KIRREL3: variants seen among roughly 807,000 people sequenced by gnomAD.
KIRREL3 encodes kin of IRRE-like protein 3.
A neutral mutation model predicts 89.7 loss-of-function variants in KIRREL3; 36 were observed. That is an observed-to-expected ratio of 0.40 (90% CI 0.31 to 0.53). The LOEUF (loss-of-function observed/expected upper bound fraction) is 0.53, where lower values mean the gene tolerates loss of function less well. KIRREL3 is among the 20% of genes least tolerant of loss of function. KIRREL3 has a pLI of 0.49. For synonymous variants in KIRREL3, 445 were observed against 441.4 expected (o/e 1.01, Z -0.10); for missense variants, 864 against 1,056.6 (o/e 0.82, Z 2.53).
rs1946693730 is a variant in KIRREL3, at chr11:126,687,092, A to C, written c.56-124180T>G. Among the ~76,000 whole-genome samples the C allele has an allele frequency of 2.0e-5, 3 of 152,152 alleles. No homozygotes were observed. Among genetic ancestry groups the C allele is most frequent in the Admixed American group, 2.0e-4 (3 of 15,284 alleles). Reference sequence around the variant, plus strand: ...GGGGCCAAGACCACAACACGTGTTCAAGGTATGTCTAAGAAGGCTCAAGTT... The same window carrying C: ...GGGGCCAAGACCACAACACGTGTTCCAGGTATGTCTAAGAAGGCTCAAGTT... On this transcript the variant is annotated intron_variant, in intron 1 of 16. Transcript: ENST00000525144. This position sits in a 1 kb window ranked among gnomAD's most constrained non-coding sequence, Gnocchi z 4.6.
intron 1 of KIRREL3, among the ~76,000 whole-genome samples, chr11:126,882,653 A>T (rs1025060984): frequency 2.0e-5 from 3 of 152,192 alleles, no homozygotes; most frequent in African/African-American, 7.2e-5. Flanking sequence ...GCTGCCAACA[A>T]ATGTTGCAAA....
At position 126,594,442 on chromosome 11, in the gene KIRREL3, A is replaced by G. The variant is rs1358930171; in HGVS notation, c.56-31530T>C. On this transcript the variant is annotated intron_variant, in intron 1 of 16. Coordinates refer to ENST00000525144, the MANE Select transcript of KIRREL3 (RefSeq NM_032531.4). This position sits in a 1 kb window ranked among gnomAD's most constrained non-coding sequence, Gnocchi z 5.0. ...GAAGCTACAGGGTGTAGGAGAAAGAACATGAGTTTGGAATCGCTGGAAACT... is the reference window on the plus strand; with the variant it reads ...GAAGCTACAGGGTGTAGGAGAAAGAGCATGAGTTTGGAATCGCTGGAAACT... Among the ~76,000 whole-genome samples, 2 of 152,186 alleles carry G rather than the reference A, an allele frequency of 1.3e-5. No homozygotes were observed. The highest frequency in any genetic ancestry group is 2.9e-5 in the Non-Finnish European group (2 of 68,028).
rs1954979554 is a variant in KIRREL3, at chr11:126,427,261, T to C, written c.1807-1537A>G. 1.3e-5 allele frequency among the ~76,000 whole-genome samples: 2 copies of C among 152,182 alleles called. No homozygotes were observed. Among genetic ancestry groups the C allele is most frequent in the African/African-American group, 4.8e-5 (2 of 41,454 alleles). On this transcript the variant is annotated intron_variant, in intron 15 of 16. Coordinates refer to ENST00000525144, the MANE Select transcript of KIRREL3 (RefSeq NM_032531.4). The surrounding 1 kb of genome is among the most constrained non-coding windows in gnomAD (Gnocchi z 5.3). The stretch of plus-strand genomic sequence containing the variant: ...CTCCACTGTGTTAATTTTAACAGTG[T>C]CAGGCCCTGTGTTAGGCCCCAGGGG...
At chr11:126,935,675 A>T (rs1948155619) in intron 1 of KIRREL3, 1 of 152,242 alleles carries the variant, frequency 6.6e-6, no homozygotes, top group Non-Finnish European at 1.5e-5. Flanking sequence ...ATTCTGGAAA[A>T]GACAACATTA....
rs961456082 is a variant in KIRREL3 at position 126,898,209 on chromosome 11, A to G, written c.55+102246T>C. Reference sequence around the variant, plus strand: ...GATCAAAGCTGTTAGTAACAAGGACAATGAAACACTACTTTATGCCAATTA... The same window carrying G: ...GATCAAAGCTGTTAGTAACAAGGACGATGAAACACTACTTTATGCCAATTA... On this transcript the variant is annotated intron_variant, in intron 1 of 16. Coordinates refer to ENST00000525144, the MANE Select transcript of KIRREL3 (RefSeq NM_032531.4). The surrounding 1 kb of genome is among the most constrained non-coding windows in gnomAD (Gnocchi z 4.9). Among the ~76,000 whole-genome samples the G allele has an allele frequency of 1.3e-5, 2 of 152,200 alleles. No homozygotes were observed. Among genetic ancestry groups the G allele is most frequent in the African/African-American group, 2.4e-5 (1 of 41,444 alleles).
At chr11:126,784,107 G>A (rs767957378) in intron 1 of KIRREL3, among the ~76,000 whole-genome samples, 1 of 152,226 alleles carries the variant, frequency 6.6e-6, no homozygotes, top group African/African-American at 2.4e-5. Context: ...AGCCGTCACA[G>A]CCACGTGGAG....
At chr11:126,947,572 G>A (rs916369398) in intron 1 of KIRREL3, among the ~76,000 whole-genome samples, 1 of 152,184 alleles carries the variant, frequency 6.6e-6, no homozygotes, top group Non-Finnish European at 1.5e-5. Context: ...TAGTAACTGA[G>A]TTGAGTTTTA....
intron 1 of KIRREL3, among the ~76,000 whole-genome samples, chr11:126,829,023 C>T (rs1377525053): frequency 1.3e-5 from 2 of 152,184 alleles, no homozygotes; most frequent in Admixed American, 1.3e-4. Flanking sequence ...CCAAATTTGT[C>T]CCTGAAGGAC....
At chr11:126,927,007 G>C (rs756421092) in intron 1 of KIRREL3, among the ~76,000 whole-genome samples, 1 of 152,208 alleles carries the variant, frequency 6.6e-6, no homozygotes, top group Non-Finnish European at 1.5e-5. Flanking sequence ...AAGGCATGAT[G>C]CAGGCAAAAT....
intron 1 of KIRREL3, among the ~76,000 whole-genome samples, chr11:126,824,472 T>A (rs868743064): frequency 1.3e-5 from 2 of 152,244 alleles, no homozygotes; most frequent in East Asian, 3.8e-4. Context: ...TAGCTGTGGC[T>A]GAGACAGGTC....
In KIRREL3 at chr11:126,735,248, C is replaced by T. The variant is rs149787377; in HGVS notation, c.56-172336G>A. Among the ~76,000 whole-genome samples, 565 of 152,238 alleles carry T rather than the reference C, an allele frequency of 3.7e-3. 3 individuals are homozygous for T. Among genetic ancestry groups the T allele is most frequent in the African/African-American group, 0.013 (526 of 41,526 alleles). ...AAAACCCATGACAGAAACTGGCAGT[C>T]GGTAGTAACATTAGCTGGGTCTGAA... is the stretch of plus-strand genomic sequence containing the variant. On this transcript the variant is annotated intron_variant, in intron 1 of 16. Transcript: ENST00000525144.
At chr11:126,637,384 G>A (rs574837976) in intron 1 of KIRREL3, among the ~76,000 whole-genome samples, 2 of 152,178 alleles carry the variant, frequency 1.3e-5, no homozygotes, top group Admixed American at 6.5e-5. Context: ...TCCCTCCACT[G>A]GCCCTTGGCC....
At chr11:126,450,890 TGC>T (rs1956063298) in intron 7 of KIRREL3, among the ~76,000 whole-genome samples, 2 of 148,072 alleles carry the variant, frequency 1.4e-5, no homozygotes, top group East Asian at 2.0e-4. Context: ...TGTGTGCATG[TGC>T]GTGTGTGCAT....
At chr11:126,907,910 C>T (rs900993851) in intron 1 of KIRREL3, among the ~76,000 whole-genome samples, 6 of 152,160 alleles carry the variant, frequency 3.9e-5, no homozygotes, top group African/African-American at 1.2e-4. Flanking sequence ...CTGGAATGCT[C>T]TTCCCCTGGG....
intron 1 of KIRREL3, among the ~76,000 whole-genome samples, chr11:126,858,620 A>C (rs1194956744): frequency 1.3e-5 from 2 of 152,092 alleles, no homozygotes; most frequent in African/African-American, 4.8e-5. Context: ...CTTTGATCTC[A>C]TAAGAGGTCA....
intron 4 of KIRREL3, among the ~76,000 whole-genome samples, chr11:126,494,534 A>C (rs1957605406): frequency 1.3e-5 from 2 of 152,134 alleles, no homozygotes; most frequent in South Asian, 4.1e-4. Flanking sequence ...GGATTTTTTC[A>C]CATTCATTTG....
rs956677967 is a variant in KIRREL3 at position 126,425,626 on chromosome 11, G to A, written c.1893+12C>T. The A allele has an allele frequency of 1.1e-5, 18 of 1,567,668 alleles. No homozygotes were observed. The highest frequency in any genetic ancestry group is 1.5e-5 in the Non-Finnish European group (17 of 1,153,544). ...TCCATGGCTGTGTCTTATAACCCGG[G>A]GCCCTTCTTACCTTCAGGTTCTGAA... On this transcript the variant is annotated intron_variant, in intron 16 of 16. Transcript: ENST00000525144.
At chr11:126,434,845 G>C (rs1285552035) in intron 13 of KIRREL3, among the ~76,000 whole-genome samples, 14 of 152,130 alleles carry the variant, frequency 9.2e-5, no homozygotes, top group Non-Finnish European at 1.8e-4. Context: ...GGGGCCCCCG[G>C]TGTCCTGGGA....
chr11:126,726,892 A>C (rs1440355594), intron 1 of KIRREL3, among the ~76,000 whole-genome samples: 1 of 152,142 alleles, frequency 6.6e-6, no homozygotes, highest in Admixed American at 6.6e-5. Context: ...TCATCCTCTA[A>C]GACCTGGCTG....
Sources: allele counts gnomAD v4.1 joint callset (sites outside exome capture counted in the v4.1 genomes callset), GRCh38; gene constraint gnomAD v4.1.1; non-coding constraint Gnocchi (gnomAD v3.1); transcripts MANE v1.5; gene names NCBI Gene and HGNC (gene_info 2026-07-23, HGNC 2026-07-21).